UBR4: variants seen among roughly 807,000 people sequenced by gnomAD.
UBR4 encodes ubiquitin protein ligase E3 component n-recognin 4, also known as E3 ubiquitin-protein ligase UBR4.
A neutral mutation model predicts 575.6 loss-of-function variants in UBR4; 124 were observed. The observed-to-expected ratio is 0.22, with a 90% confidence interval of 0.19 to 0.25. The LOEUF (loss-of-function observed/expected upper bound fraction) is 0.25. Ranked by LOEUF, UBR4 falls within the 10% of genes least tolerant of loss-of-function variation. UBR4 has a pLI of 1.00. For synonymous variants in UBR4, 2,455 were observed against 2,473.7 expected (o/e 0.99, Z 0.22); for missense variants, 4,818 against 6,478.8 (o/e 0.74, Z 8.80).
At chr1:19,188,458 G>C (rs1192302283) in intron 11 of UBR4, among the ~76,000 whole-genome samples, 9 of 152,188 alleles carry the variant, frequency 5.9e-5, no homozygotes, top group Non-Finnish European at 1.5e-5. Context: ...ACAGGCCGGG[G>C]CAGAAGGATC....
At position 19,117,406 on chromosome 1, in the gene UBR4, C is replaced by T; in HGVS notation, c.10638G>A (p.Lys3546=). ...GCGTGTCCACTTTAATGGAAGACAG[C>T]TTGATATACTAAATACAAGAGTTCA... The part of the protein sequence containing the change: ...NNPEVPFCYI[K]LSSIKVDTRY... Residue 3546 remains lysine (K), a synonymous_variant, in exon 73 of 106, where the codon AAG becomes AAA. Coordinates refer to ENST00000375254, the MANE Select transcript of UBR4 (RefSeq NM_020765.3). This position sits in a 1 kb window ranked among gnomAD's most constrained non-coding sequence, Gnocchi z 4.0. 6.2e-7 allele frequency: 1 copy of T among 1,614,136 alleles called. No homozygotes were observed. Among genetic ancestry groups the T allele is most frequent in the Non-Finnish European group, 8.5e-7 (1 of 1,180,012 alleles).
At chr1:19,076,590 G>T in intron 105 of UBR4, 150 bp downstream of exon 105, 1 of 1,021,530 alleles carries the variant, frequency 9.8e-7, no homozygotes, top group Non-Finnish European at 1.5e-6. Flanking sequence ...TGCTATTTAC[G>T]CATCTTTCCC....
At chr1:19,178,273 G>C (rs1482019299) in intron 18 of UBR4, among the ~76,000 whole-genome samples, 1 of 152,188 alleles carries the variant, frequency 6.6e-6, no homozygotes, top group Non-Finnish European at 1.5e-5. Context: ...ACTATTCAGA[G>C]AATTTGTCAG....
intron 15 of UBR4, 72 bp downstream of exon 15, chr1:19,185,027 T>G (rs2091386434): frequency 1.3e-6 from 2 of 1,580,518 alleles, no homozygotes; most frequent in Non-Finnish European, 1.7e-6. Context: ...ATGTTTGCAT[T>G]CAAATTATCT....
chr1:19,174,900 C>T lies in UBR4; in HGVS notation c.2853+54G>A. The stretch of plus-strand genomic sequence containing the variant: ...TCCCTTTCCCCCCAGTAGGCTGATT[C>T]TGGTGGAAACCATCTGACCCACATA... On this transcript the variant is annotated intron_variant, in intron 21 of 105. Coordinates refer to ENST00000375254, the MANE Select transcript of UBR4 (RefSeq NM_020765.3). The T allele has an allele frequency of 2.0e-6, 3 of 1,527,392 alleles. No individual in the cohort carries two copies. In the South Asian group the frequency reaches 3.4e-5, roughly 18 times the overall value. The allele number at this position is 1,527,392 out of a possible 1,614,324, so 94.6% of individuals were successfully genotyped here.
chr1:19,190,312 A>AAAAAAAAAAAAAAATATATATATAT, intron 11 of UBR4, among the ~76,000 whole-genome samples: 3 of 79,916 alleles, frequency 3.8e-5, no homozygotes, highest in African/African-American at 5.3e-5. Flanking sequence ...AAAAAAAAAA[A>AAAAAAAAAAAAAAATATATATATAT]ATATATATAT....
chr1:19,095,490 T>C, intron 93 of UBR4, 55 bp downstream of exon 93: 1 of 1,553,750 alleles, frequency 6.4e-7, no homozygotes, highest in Non-Finnish European at 8.9e-7. Context: ...GAGAGGTCTT[T>C]CACACCCAGA....
At chr1:19,209,935 G>A (rs1261596821) in intron 1 of UBR4, 138 bp downstream of exon 1, 6 of 1,336,632 alleles carry the variant, frequency 4.5e-6, no homozygotes, top group Non-Finnish European at 5.8e-6. Flanking sequence ...GTCTCCCCGG[G>A]CCCGGGACCC....
At chr1:19,144,176 C>G (rs1467567385) in intron 54 of UBR4, 85 bp from the exon 55 acceptor site, 1 of 1,243,390 alleles carries the variant, frequency 8.0e-7, no homozygotes, top group African/African-American at 1.5e-5. Flanking sequence ...CTTGGTCACT[C>G]ACTCACATGC....
At chr1:19,140,293 A>C (rs1000017136) in intron 58 of UBR4, among the ~76,000 whole-genome samples, 1 of 152,160 alleles carries the variant, frequency 6.6e-6, no homozygotes, top group African/African-American at 2.4e-5. Flanking sequence ...TATAGATTTT[A>C]ATTGTCCATA....
At chr1:19,209,686 G>A (rs1372678526) in intron 1 of UBR4, among the ~76,000 whole-genome samples, 1 of 152,182 alleles carries the variant, frequency 6.6e-6, no homozygotes, top group Non-Finnish European at 1.5e-5. Flanking sequence ...AAATTATACC[G>A]TACGGCTCCG....
rs919659506 is a variant in UBR4 at position 19,110,285 on chromosome 1, G to A, written c.11978-62C>T. 6 of 1,613,162 alleles carry A rather than the reference G, an allele frequency of 3.7e-6. No homozygotes were observed. Among genetic ancestry groups the A allele is most frequent in the Non-Finnish European group, 5.1e-6 (6 of 1,179,354 alleles). On this transcript the variant is annotated intron_variant, in intron 80 of 105. Transcript: ENST00000375254. The surrounding 1 kb of genome is among the most constrained non-coding windows in gnomAD (Gnocchi z 4.5). ...AACACTACACATCTGCTCTGCAGAG[G>A]CCGCCCAAGCATCAGTTTCCCTCCT...
At chr1:19,111,312 A>C (rs756534419) in intron 78 of UBR4, among the ~76,000 whole-genome samples, 22 of 152,324 alleles carry the variant, frequency 1.4e-4, no homozygotes, top group Admixed American at 1.2e-3. Flanking sequence ...CAACATACTG[A>C]ATAAGCCCCA....
chr1:19,114,157 A>C, intron 75 of UBR4, 87 bp from the exon 76 acceptor site: 7 of 1,525,428 alleles, frequency 4.6e-6, no homozygotes, highest in Non-Finnish European at 5.3e-6. Flanking sequence ...ATTTACCAGA[A>C]CATTTCCTAT....
At chr1:19,141,007 G>T in intron 57 of UBR4, 115 bp from the exon 58 acceptor site, 1 of 1,132,704 alleles carries the variant, frequency 8.8e-7, no homozygotes, top group Non-Finnish European at 1.2e-6. Context: ...ACCCCCTCTG[G>T]CCTAGAGGAA....
At chr1:19,180,179 A>G (rs2090744134) in intron 17 of UBR4, among the ~76,000 whole-genome samples, 1 of 151,530 alleles carries the variant, frequency 6.6e-6, no homozygotes, top group African/African-American at 2.4e-5. Context: ...CTCTAAAACC[A>G]TGTTCTTTAT....
At chr1:19,182,399 T>C (rs1157302544) in intron 17 of UBR4, among the ~76,000 whole-genome samples, 1 of 151,970 alleles carries the variant, frequency 6.6e-6, no homozygotes, top group African/African-American at 2.4e-5. Flanking sequence ...TAAAGTACAG[T>C]GGCTATTTGC....
intron 60 of UBR4, among the ~76,000 whole-genome samples, chr1:19,131,603 G>C (rs968534439): frequency 6.6e-6 from 1 of 152,164 alleles, no homozygotes; most frequent in African/African-American, 2.4e-5. Context: ...ACTGGGCGTG[G>C]TGGCTCATGC....
chr1:19,174,535 G>A (rs2090010686), intron 21 of UBR4, 88 bp from the exon 22 acceptor site: 1 of 1,491,862 alleles, frequency 6.7e-7, no homozygotes. Context: ...CCTCATGATT[G>A]ACAAAATATC....
Sources: allele counts gnomAD v4.1 joint callset (sites outside exome capture counted in the v4.1 genomes callset), GRCh38; gene constraint gnomAD v4.1.1; non-coding constraint Gnocchi (gnomAD v3.1); transcripts MANE v1.5; gene names NCBI Gene and HGNC (gene_info 2026-07-23, HGNC 2026-07-21).